The following RIN3 variants were observed in gnomAD, a reference collection of about 807,000 sequenced individuals.
RIN3 encodes the protein RAB5 interacting protein 3.
Under a neutral mutation model 76.3 loss-of-function variants are expected in RIN3, and 54 were observed. The observed-to-expected ratio is 0.71, with a 90% CI of 0.57 to 0.89. The LOEUF (loss-of-function observed/expected upper bound fraction) is 0.89. Among genes scored for constraint, RIN3 ranks in the 40% least tolerant of loss-of-function variants. The pLI is 0.00. For synonymous variants in RIN3, 576 were observed against 564.0 expected (o/e 1.02, Z -0.30); for missense variants, 1,256 against 1,322.1 (o/e 0.95, Z 0.78).
intron 1 of RIN3, among the ~76,000 whole-genome samples, chr14:92,520,302 G>C (rs1896562350): frequency 6.6e-6 from 1 of 152,120 alleles, no homozygotes; most frequent in African/African-American, 2.4e-5. Context: ...TTCTGGAACT[G>C]AGAGAGCCCC....
At chr14:92,538,132 G>A (rs1897050176) in intron 1 of RIN3, among the ~76,000 whole-genome samples, 1 of 151,538 alleles carries the variant, frequency 6.6e-6, no homozygotes, top group African/African-American at 2.4e-5. Context: ...GCCACACCTG[G>A]CTAATTTTTG....
intron 3 of RIN3, among the ~76,000 whole-genome samples, chr14:92,597,174 T>A (rs79065501): frequency 4.2e-5 from 1 of 23,956 alleles, no homozygotes; most frequent in Non-Finnish European, 1.3e-4. Context: ...TTATATATAT[T>A]ATTTTTTATA....
At chr14:92,664,945 G>C (rs947325256) in intron 7 of RIN3, among the ~76,000 whole-genome samples, 2 of 152,216 alleles carry the variant, frequency 1.3e-5, no homozygotes, top group Non-Finnish European at 1.5e-5. Context: ...ATCTGATGAA[G>C]GGTTAGATAT....
chr14:92,544,348 GGC>G (rs1897196785), intron 1 of RIN3, among the ~76,000 whole-genome samples: 1 of 143,302 alleles, frequency 7.0e-6, no homozygotes, highest in Admixed American at 7.6e-5. Flanking sequence ...GATGTCCTCT[GGC>G]ATCAGCTGTT....
chr14:92,653,227 G>T, intron 6 of RIN3, 152 bp downstream of exon 6: 1 of 812,074 alleles, frequency 1.2e-6, no homozygotes, highest in Non-Finnish European at 1.9e-6. Context: ...TCTGGCTGCT[G>T]CAAGGTAGGC....
In RIN3 at chr14:92,559,570, C is replaced by T. The variant is rs755542857; in HGVS notation, c.249+3615C>T. 3.9e-5 allele frequency among the ~76,000 whole-genome samples: 6 copies of T among 152,184 alleles called. No individual in the cohort carries two copies. The South Asian group carries it at 1.2e-3, about 32-fold the overall frequency. ...GGGGACTCCATGCACCAATATGAACCGTAAAGGCACCAGGTGGGGTTAGCT... is the reference window on the plus strand; with the variant it reads ...GGGGACTCCATGCACCAATATGAACTGTAAAGGCACCAGGTGGGGTTAGCT... On this transcript the variant is annotated intron_variant, in intron 2 of 9. Transcript: ENST00000216487.
chr14:92,676,175 G>A (rs1213064358), intron 7 of RIN3, among the ~76,000 whole-genome samples: 1 of 151,994 alleles, frequency 6.6e-6, no homozygotes, highest in East Asian at 1.9e-4. Context: ...TGTCAAGCAA[G>A]CAGCAGGGGG....
At chr14:92,641,475 C>A in intron 5 of RIN3, 146 bp downstream of exon 5, 1 of 636,782 alleles carries the variant, frequency 1.6e-6, no homozygotes, top group Non-Finnish European at 2.8e-6. Flanking sequence ...GGCTGCTGAG[C>A]CACGTGATAG....
At chr14:92,676,639 T>G (rs1407901302) in intron 8 of RIN3, 33 bp downstream of exon 8, 1 of 1,605,984 alleles carries the variant, frequency 6.2e-7, no homozygotes. Flanking sequence ...TCAGGTGCAT[T>G]GCACACCCCC....
chr14:92,688,296 G>A lies in RIN3; in HGVS notation c.*44G>A, dbSNP rs997087060. Reference sequence around the variant, plus strand: ...CCCCTCACCCCCAGGCGCACGTCTGGCCCCGCCTCTGGCTGCGCACTCCCG... The same window carrying A: ...CCCCTCACCCCCAGGCGCACGTCTGACCCCGCCTCTGGCTGCGCACTCCCG... On this transcript the variant is annotated 3_prime_UTR_variant, in exon 10 of 10. Coordinates refer to ENST00000216487, the MANE Select transcript of RIN3 (RefSeq NM_024832.5). 1.4e-6 allele frequency: 2 copies of A among 1,471,874 alleles called. No individual in the cohort carries two copies. The highest frequency in any genetic ancestry group is 1.8e-6 in the Non-Finnish European group (2 of 1,109,914). 91.2% of individuals were successfully genotyped at this position (1,471,874 alleles called of 1,614,324 possible). A position where few individuals can be genotyped will look rare whatever the true frequency, so the allele number is the denominator to read the frequency against.
intron 1 of RIN3, among the ~76,000 whole-genome samples, chr14:92,553,026 TAAAAAAAA>T (rs55684274): frequency 8.1e-6 from 1 of 123,234 alleles, no homozygotes; most frequent in African/African-American, 3.1e-5. Flanking sequence ...GTTCTGCAGG[TAAAAAAAA>T]AAAAAAAAAA....
intron 2 of RIN3, among the ~76,000 whole-genome samples, chr14:92,565,785 A>C (rs1897901070): frequency 2.0e-5 from 3 of 152,054 alleles, no homozygotes; most frequent in Admixed American, 2.0e-4. Context: ...TCTTTACCAC[A>C]TCTTGTTTTA....
intron 2 of RIN3, among the ~76,000 whole-genome samples, chr14:92,567,095 G>T (rs184926015): frequency 5.8e-4 from 88 of 152,280 alleles, no homozygotes; most frequent in African/African-American, 2.0e-3. Flanking sequence ...ACCTCAGGAG[G>T]TCATTTTACT....
At chr14:92,682,336 T>C (rs1888697833) in intron 8 of RIN3, among the ~76,000 whole-genome samples, 1 of 152,188 alleles carries the variant, frequency 6.6e-6, no homozygotes. Context: ...TGGGCCAGCT[T>C]CACCCAATGT....
chr14:92,534,271 A>C (rs1264885900), intron 1 of RIN3, among the ~76,000 whole-genome samples: 4 of 143,132 alleles, frequency 2.8e-5, no homozygotes, highest in African/African-American at 1.0e-4. Context: ...ACAGATGGGG[A>C]AACTTAGGCT....
intron 4 of RIN3, among the ~76,000 whole-genome samples, chr14:92,631,847 GCCCACCTCAGCCT>G (rs1463080692): frequency 6.6e-6 from 1 of 151,994 alleles, no homozygotes; most frequent in East Asian, 1.9e-4. Context: ...CAAATGTTCT[GCCCACCTCAGCCT>G]CCCAAAGTAG....
At chr14:92,627,288 T>A (rs1353946650) in intron 4 of RIN3, among the ~76,000 whole-genome samples, 1 of 152,212 alleles carries the variant, frequency 6.6e-6, no homozygotes, top group Admixed American at 6.5e-5. Flanking sequence ...TTTCTTGCAC[T>A]CCTTTCCATT....
intron 1 of RIN3, among the ~76,000 whole-genome samples, chr14:92,534,813 G>A (rs1896959719): frequency 6.6e-6 from 1 of 152,132 alleles, no homozygotes; most frequent in African/African-American, 2.4e-5. Context: ...GAAGATTCAT[G>A]CCTGGGTGTC....
Position 92,659,158 on chromosome 14 carries a change from C to T in RIN3, c.2027-3C>T, listed in dbSNP as rs768565966. The T allele has an allele frequency of 3.7e-6, 6 of 1,613,734 alleles. No individual in the cohort carries two copies. The highest frequency in any genetic ancestry group is 5.1e-6 in the Non-Finnish European group (6 of 1,179,830). ...TCACCCTCGCTCTCTTGTTTACCTG[C>T]AGAAGCAATTGTAGAGTCTGCCTTG... On this transcript the variant is annotated splice_region_variant and splice_polypyrimidine_tract_variant and intron_variant, in intron 6 of 9. Coordinates refer to ENST00000216487, the MANE Select transcript of RIN3 (RefSeq NM_024832.5).
Sources: allele counts gnomAD v4.1 joint callset (sites outside exome capture counted in the v4.1 genomes callset), GRCh38; gene constraint gnomAD v4.1.1; transcripts MANE v1.5; gene names NCBI Gene and HGNC (gene_info 2026-07-23, HGNC 2026-07-21).